Variants in SLC30A3 observed in about 807,000 individuals in gnomAD.
The protein encoded by SLC30A3 is probable proton-coupled zinc antiporter SLC30A3.
SLC30A3 carries 20 observed loss-of-function variants against 35.6 expected under a neutral mutation model. The observed-to-expected ratio is 0.56, with a 90% CI of 0.39 to 0.82. The LOEUF is 0.82. Among genes scored for constraint, SLC30A3 ranks in the 40% least tolerant of loss-of-function variants. The pLI is 0.00. For synonymous variants in SLC30A3, 217 were observed against 224.7 expected, an observed-to-expected ratio of 0.97 and a Z score of 0.31; for missense variants, 401 against 530.6, an observed-to-expected ratio of 0.76 and a Z score of 2.40.
intron 1 of SLC30A3, chr2:27,261,889 AAG>A (rs1677205143): frequency 6.6e-6 from 1 of 152,566 alleles, no homozygotes; most frequent in Non-Finnish European, 1.5e-5. Context: ...CACCCAAAGA[AAG>A]AGCGAGAAGC....
At position 27,259,067 on chromosome 2, in the gene SLC30A3, C is replaced by T. The variant is rs76730120; in HGVS notation, c.96-133G>A. 5,395 of 668,470 alleles carry T rather than the reference C, an allele frequency of 8.1e-3. 233 individuals are homozygous for T. In the African/African-American group the frequency reaches 0.09, roughly 11 times the overall value. The allele number at this position is 668,470 out of a possible 1,614,324, so 41.4% of individuals were successfully genotyped here. On this transcript the variant is annotated intron_variant, in intron 1 of 7. Transcript: ENST00000233535. ...GCCTGGTCGTATCTGGGAGCTGCAT[C>T]GGCAGAGGGCCACATGAGAGACCGG...
upstream of SLC30A3, among the ~76,000 whole-genome samples, chr2:27,266,397 T>C (rs1677496564): frequency 6.6e-6 from 1 of 152,210 alleles, no homozygotes; most frequent in Non-Finnish European, 1.5e-5. Flanking sequence ...CTCAATCTTT[T>C]CTTGCTGAAT....
chr2:27,262,757 C>T lies in SLC30A3; in HGVS notation c.95+55G>A. The T allele has an allele frequency of 6.9e-7, 1 of 1,441,078 alleles. No individual in the cohort carries two copies. The highest frequency in any genetic ancestry group is 3.0e-5 in the East Asian group (1 of 33,542). 89.3% of individuals were successfully genotyped at this position (1,441,078 alleles called of 1,614,324 possible). On this transcript the variant is annotated intron_variant, in intron 1 of 7. Transcript: ENST00000233535. The surrounding 1 kb of genome is among the most constrained non-coding windows in gnomAD (Gnocchi z 7.5). Reference sequence around the variant, plus strand: ...GCGCCGAGAGAGACAACGAAATGGACGGAGGGTAGTAGGGTGGCGCCCCCG... The same window carrying T: ...GCGCCGAGAGAGACAACGAAATGGATGGAGGGTAGTAGGGTGGCGCCCCCG...
In SLC30A3 at chr2:27,262,709, C is replaced by T; in HGVS notation, c.95+103G>A. The T allele has an allele frequency of 6.0e-6, 7 of 1,161,652 alleles. No homozygotes were observed. Among genetic ancestry groups the T allele is most frequent in the South Asian group, 5.4e-5 (3 of 55,432 alleles). 72.0% of individuals were successfully genotyped at this position (1,161,652 alleles called of 1,614,324 possible). A position where few individuals can be genotyped will look rare whatever the true frequency, so the allele number is the denominator to read the frequency against. ...GCAGCGGAGCGAGGGACCCGCGGTG[C>T]GCTGGGGCGGCCGCCGGGGCCCGCG... On this transcript the variant is annotated intron_variant, in intron 1 of 7. Transcript: ENST00000233535. The surrounding 1 kb of genome is among the most constrained non-coding windows in gnomAD (Gnocchi z 7.5).
intron 1 of SLC30A3, among the ~76,000 whole-genome samples, chr2:27,272,494 A>ATTTT (rs1216610551): frequency 7.5e-6 from 1 of 133,776 alleles, no homozygotes; most frequent in African/African-American, 2.8e-5. Flanking sequence ...GAAGGCAGCT[A>ATTTT]TTTTTTTTTT....
chr2:27,275,318 C>T, exon 1 of SLC30A3: 1 of 861,606 alleles, frequency 1.2e-6, no homozygotes, highest in Non-Finnish European at 1.7e-6. Flanking sequence ...TCCTACGCTG[C>T]CTTGGGCCGC....
At chr2:27,268,621 C>T (rs1199120647) in intron 1 of SLC30A3, among the ~76,000 whole-genome samples, 1 of 151,834 alleles carries the variant, frequency 6.6e-6, no homozygotes, top group Non-Finnish European at 1.5e-5. Context: ...AGCGTGGTGG[C>T]GGGCGCCTGT....
chr2:27,272,596 T>A lies in SLC30A3; in HGVS notation c.-159+2581A>T, dbSNP rs545006098. On this transcript the variant is annotated intron_variant, in intron 1 of 5. Transcript: ENST00000424577. ...GCAACCTCCGCCACACCCAGCTAATTTTTTTATTTTTAGTAGAGACAGGGT... is the reference window on the plus strand; with the variant it reads ...GCAACCTCCGCCACACCCAGCTAATATTTTTATTTTTAGTAGAGACAGGGT... Among the ~76,000 whole-genome samples, 575 of 151,770 alleles carry A rather than the reference T, an allele frequency of 3.8e-3. 4 individuals carry two copies. Among genetic ancestry groups the A allele is most frequent in the African/African-American group, 0.013 (555 of 41,402 alleles).
chr2:27,266,228 A>C (rs1357650004), upstream of SLC30A3, among the ~76,000 whole-genome samples: 1 of 151,996 alleles, frequency 6.6e-6, no homozygotes, highest in Non-Finnish European at 1.5e-5. Flanking sequence ...CTGGGTCAAC[A>C]CACTGTTTAT....
upstream of SLC30A3, among the ~76,000 whole-genome samples, chr2:27,265,862 CAATT>C (rs1677475034): frequency 6.6e-6 from 1 of 152,054 alleles, no homozygotes; most frequent in Non-Finnish European, 1.5e-5. The surrounding 1 kb of genome is among the most constrained non-coding windows in gnomAD (Gnocchi z 5.9). Flanking sequence ...ACACTGTCCT[CAATT>C]AAGCCATCCC....
Position 27,268,202 on chromosome 2 carries a change from A to C in SLC30A3, c.-158-4120T>G, listed in dbSNP as rs534958230. The stretch of plus-strand genomic sequence containing the variant: ...TACTGTACTGTACATAATAGTACCC[A>C]GTAAATATTTGTTGAAGGTCTTAAT... On this transcript the variant is annotated intron_variant, in intron 1 of 5. Transcript: ENST00000424577. 2.4e-3 allele frequency among the ~76,000 whole-genome samples: 362 copies of C among 152,284 alleles called. 1 individual carries two copies. The highest frequency in any genetic ancestry group is 6.8e-3 in the African/African-American group (284 of 41,556).
rs1676756119 is a variant in SLC30A3 at position 27,255,022 on chromosome 2, A to G, written c.*290T>C. ...TCGTGGCTCCACATGAACCATGGGG[A>G]GATGGCACCACAGGCCTTCAACACA... On this transcript the variant is annotated 3_prime_UTR_variant, in exon 8 of 8. Coordinates refer to ENST00000233535, the MANE Select transcript of SLC30A3 (RefSeq NM_003459.5). This position sits in a 1 kb window ranked among gnomAD's most constrained non-coding sequence, Gnocchi z 5.2. The G allele has an allele frequency of 1.5e-6, 2 of 1,295,030 alleles. No homozygotes were observed. Among genetic ancestry groups the G allele is most frequent in the Non-Finnish European group, 2.0e-6 (2 of 990,658 alleles). 80.2% of individuals were successfully genotyped at this position (1,295,030 alleles called of 1,614,324 possible). A position where few individuals can be genotyped will look rare whatever the true frequency, so the allele number is the denominator to read the frequency against.
intron 1 of SLC30A3, among the ~76,000 whole-genome samples, chr2:27,261,816 C>G (rs990869008): frequency 6.6e-6 from 1 of 152,104 alleles, no homozygotes; most frequent in African/African-American, 2.4e-5. Context: ...TCTGCAGGCC[C>G]CTGCAGGAAG....
At position 27,254,977 on chromosome 2, in the gene SLC30A3, G is replaced by A; in HGVS notation, c.*335C>T. 1 of 942,110 alleles carries A rather than the reference G, an allele frequency of 1.1e-6. No individual in the cohort carries two copies. The highest frequency in any genetic ancestry group is 1.4e-6 in the Non-Finnish European group (1 of 703,262). The allele number at this position is 942,110 out of a possible 1,614,324, so 58.4% of individuals were successfully genotyped here. A position where few individuals can be genotyped will look rare whatever the true frequency, so the allele number is the denominator to read the frequency against. On this transcript the variant is annotated 3_prime_UTR_variant, in exon 8 of 8. Transcript: ENST00000233535. ...CAGCCAGCCTGCCACACAGACAAAT[G>A]GACTGCAGGGAAAGGATGTTCGTGG...
In SLC30A3 at chr2:27,257,090, G is replaced by T. The variant is rs1287912779; in HGVS notation, c.777+64C>A. The T allele has an allele frequency of 6.6e-7, 1 of 1,513,180 alleles. No individual in the cohort carries two copies. Among genetic ancestry groups the T allele is most frequent in the Non-Finnish European group, 9.2e-7 (1 of 1,089,944 alleles). The allele number at this position is 1,513,180 out of a possible 1,614,324, so 93.7% of individuals were successfully genotyped here. A position where few individuals can be genotyped will look rare whatever the true frequency, so the allele number is the denominator to read the frequency against. On this transcript the variant is annotated intron_variant, in intron 5 of 7. Coordinates refer to ENST00000233535, the MANE Select transcript of SLC30A3 (RefSeq NM_003459.5). The surrounding 1 kb of genome is among the most constrained non-coding windows in gnomAD (Gnocchi z 4.7). ...AGGAGGAAGGAAGCTTTGGGACCTG[G>T]GAAGGAGTGGGCTGGGATGTGGTTG... is the stretch of plus-strand genomic sequence containing the variant.
In SLC30A3 at chr2:27,258,033, C is replaced by T; in HGVS notation, c.450G>A (p.Val150=). The change falls in exon 4 of 8, where the codon GTG becomes GTA. Residue 150 remains valine, a synonymous_variant. Coordinates refer to ENST00000233535, the MANE Select transcript of SLC30A3 (RefSeq NM_003459.5). The surrounding 1 kb of genome is among the most constrained non-coding windows in gnomAD (Gnocchi z 4.0). ...TGCCAGTGACCATCCAGAGGGAGAC[C>T]ACAGAGGCCAAAGCCCCCAGAGTCT... ...RSETLGALAS[V]VSLWMVTGIL... 6.2e-7 allele frequency: 1 copy of T among 1,614,124 alleles called. No individual in the cohort carries two copies. Among genetic ancestry groups the T allele is most frequent in the Admixed American group, 1.7e-5 (1 of 60,016 alleles).
upstream of SLC30A3, among the ~76,000 whole-genome samples, chr2:27,263,814 C>T (rs757822301): frequency 4.2e-5 from 6 of 144,550 alleles, no homozygotes; most frequent in Middle Eastern, 3.2e-3. Context: ...TCACAGTTCT[C>T]TTACGGGCGG....
rs565673225 is a variant in SLC30A3 at position 27,274,186 on chromosome 2, G to A, written c.-159+991C>T. 8.5e-5 allele frequency among the ~76,000 whole-genome samples: 13 copies of A among 152,270 alleles called. No individual in the cohort carries two copies. The South Asian group carries it at 1.2e-3, about 15-fold the overall frequency. ...AAAATACAAAAAAAATTAGCCAGGC[G>A]TGGTGGCAGGCACCTGTAATCCCAG... On this transcript the variant is annotated intron_variant, in intron 1 of 5. Coordinates refer to the SLC30A3 transcript ENST00000424577.
chr2:27,275,312 A>G, exon 1 of SLC30A3: 3 of 921,338 alleles, frequency 3.3e-6, no homozygotes, highest in Non-Finnish European at 3.1e-6. Flanking sequence ...CAACGCTCCT[A>G]CGCTGCCTTG....
Sources: gnomAD v4.1 joint callset for allele counts (sites outside exome capture counted in the v4.1 genomes callset) on GRCh38, gnomAD v4.1.1 for gene constraint, Gnocchi (gnomAD v3.1) non-coding constraint, MANE v1.5 for transcripts, NCBI Gene and HGNC (gene_info 2026-07-23, HGNC 2026-07-21) for gene names.